Variants in GAB2 observed in about 807,000 individuals in gnomAD.
GAB2 encodes GRB2-associated-binding protein 2.
In GAB2, 26 loss-of-function variants were observed where a neutral mutation model predicts 65.5. That is an observed-to-expected ratio of 0.40 (90% confidence interval 0.29 to 0.55). GAB2 has a LOEUF of 0.55. GAB2 is among the 20% of genes least tolerant of loss of function. The pLI is 0.53. For missense variants in GAB2, 884 were observed against 875.8 expected, an observed-to-expected ratio of 1.01 and a Z score of -0.12; for synonymous variants, 321 against 329.6, an observed-to-expected ratio of 0.97 and a Z score of 0.28.
chr11:78,250,415 T>G lies in GAB2; in HGVS notation c.377-15A>C, dbSNP rs1565126179. 1.9e-6 allele frequency: 3 copies of G among 1,609,490 alleles called. No homozygotes were observed. Among genetic ancestry groups the G allele is most frequent in the African/African-American group, 2.7e-5 (2 of 74,686 alleles). ...TCTCAGGGAGTCTGAAAAGGAGAAA[T>G]AGCTCTGTGAATGAAAAAGGAAGGA... is the stretch of plus-strand genomic sequence containing the variant. On this transcript the variant is annotated splice_polypyrimidine_tract_variant and intron_variant, in intron 2 of 9. Transcript: ENST00000361507.
At chr11:78,396,495 A>G (rs1039576552) in intron 1 of GAB2, among the ~76,000 whole-genome samples, 2 of 152,268 alleles carry the variant, frequency 1.3e-5, no homozygotes, top group Non-Finnish European at 2.9e-5. Flanking sequence ...TTCAACAGCA[A>G]GAACCAGTAC....
intron 1 of GAB2, among the ~76,000 whole-genome samples, chr11:78,327,410 C>A (rs900768321): frequency 1.3e-5 from 2 of 152,134 alleles, no homozygotes; most frequent in African/African-American, 2.4e-5. Context: ...ATAACAATAT[C>A]TGCAATGAGC....
rs1864112217 is a variant in GAB2 at position 78,215,870 on chromosome 11, G to A, written c.*3402C>T. ...AGGAAGAACTCTGGAAATGGGATAG[G>A]GGTGCTGGGCCGAGATGTCCCCATG... On this transcript the variant is annotated 3_prime_UTR_variant, in exon 10 of 10. Transcript: ENST00000361507. The A allele has an allele frequency of 6.5e-6, 1 of 152,726 alleles. No homozygotes were observed. Among genetic ancestry groups the A allele is most frequent in the African/African-American group, 2.4e-5 (1 of 41,456 alleles). 9.5% of individuals were successfully genotyped at this position (152,726 alleles called of 1,614,324 possible). A position where few individuals can be genotyped will look rare whatever the true frequency, so the allele number is the denominator to read the frequency against.
chr11:78,223,709 G>A (rs924690556), intron 5 of GAB2, 33 bp from the exon 6 acceptor site: 1 of 1,535,496 alleles, frequency 6.5e-7, no homozygotes, highest in South Asian at 1.3e-5. Flanking sequence ...AAATACAGCT[G>A]TTACTAGCAA....
intron 3 of GAB2, 86 bp downstream of exon 3, chr11:78,250,071 G>T: frequency 1.5e-6 from 2 of 1,351,116 alleles, no homozygotes; most frequent in Non-Finnish European, 2.1e-6. Context: ...ATAATGTTTT[G>T]CTTGTCTTTA....
At chr11:78,399,443 G>A (rs1856942456) in intron 1 of GAB2, among the ~76,000 whole-genome samples, 1 of 152,172 alleles carries the variant, frequency 6.6e-6, no homozygotes, top group Admixed American at 6.5e-5. Context: ...ATTGGCCCCA[G>A]GATCTCACAT....
At position 78,225,163 on chromosome 11, in the gene GAB2, C is replaced by A. The variant is rs1426397624; in HGVS notation, c.1247G>T (p.Gly416Val). The change falls in exon 5 of 10, where the codon GGA becomes GTA. Residue 416 changes from glycine to valine, a missense_variant. Gly to Val is a moderately radical substitution (Grantham distance 109, BLOSUM62 -3). Coordinates refer to ENST00000361507, the MANE Select transcript of GAB2 (RefSeq NM_080491.3). ...CETYEYPQRG[G>V]ESAGRSAESM... ...TTCAGCAGACCGGCCTGCACTCTCTCCACCACGCTGTGGGTACTCGTAGGT... is the reference window on the plus strand; with the variant it reads ...TTCAGCAGACCGGCCTGCACTCTCTACACCACGCTGTGGGTACTCGTAGGT... 1 of 1,613,616 alleles carries A rather than the reference C, an allele frequency of 6.2e-7. No individual in the cohort carries two copies. Among genetic ancestry groups the A allele is most frequent in the Non-Finnish European group, 8.5e-7 (1 of 1,179,504 alleles).
At chr11:78,235,127 C>G (rs1023473337) in intron 3 of GAB2, among the ~76,000 whole-genome samples, 2 of 151,896 alleles carry the variant, frequency 1.3e-5, no homozygotes, top group African/African-American at 2.4e-5. Context: ...TTTCTACAGC[C>G]GGTTTGATTT....
At chr11:78,294,456 G>T (rs1252768912) in intron 1 of GAB2, among the ~76,000 whole-genome samples, 4 of 152,112 alleles carry the variant, frequency 2.6e-5, no homozygotes, top group African/African-American at 9.7e-5. Flanking sequence ...GGGTCAAATG[G>T]CATTTCTAGT....
At chr11:78,356,274 A>G (rs1409011803) in intron 1 of GAB2, among the ~76,000 whole-genome samples, 2 of 152,074 alleles carry the variant, frequency 1.3e-5, no homozygotes, top group Non-Finnish European at 2.9e-5. Flanking sequence ...TTATCTCTGT[A>G]CAAGTTTCAA....
intron 3 of GAB2, among the ~76,000 whole-genome samples, chr11:78,233,674 T>G (rs1049076676): frequency 6.6e-6 from 1 of 152,196 alleles, no homozygotes; most frequent in Non-Finnish European, 1.5e-5. Flanking sequence ...TGGTGCCATC[T>G]TGGCTCACTG....
intron 3 of GAB2, among the ~76,000 whole-genome samples, chr11:78,237,460 C>T (rs1337048969): frequency 3.9e-5 from 6 of 152,116 alleles, no homozygotes; most frequent in Non-Finnish European, 8.8e-5. Flanking sequence ...ATGATTCCAT[C>T]TATGTAAATT....
chr11:78,284,093 C>A (rs913052042), intron 1 of GAB2, among the ~76,000 whole-genome samples: 7 of 152,224 alleles, frequency 4.6e-5, no homozygotes, highest in Non-Finnish European at 7.3e-5. Flanking sequence ...TCTCTCCCAT[C>A]TCATTTACCA....
intron 3 of GAB2, among the ~76,000 whole-genome samples, chr11:78,244,900 A>G (rs1036434442): frequency 1.3e-5 from 2 of 152,216 alleles, no homozygotes; most frequent in Non-Finnish European, 2.9e-5. Context: ...AACTAACAAT[A>G]GAACTACCTT....
At chr11:78,399,217 A>G (rs1009752881) in intron 1 of GAB2, among the ~76,000 whole-genome samples, 2 of 152,202 alleles carry the variant, frequency 1.3e-5, no homozygotes, top group Admixed American at 1.3e-4. Context: ...AGCCTGCACC[A>G]AGCTGCTTAC....
chr11:78,327,735 T>A (rs973334399), intron 1 of GAB2, among the ~76,000 whole-genome samples: 8 of 152,256 alleles, frequency 5.3e-5, no homozygotes, highest in Non-Finnish European at 1.5e-5. Flanking sequence ...ATAATACATT[T>A]AAAAAAATCA....
intron 1 of GAB2, among the ~76,000 whole-genome samples, chr11:78,379,837 T>TG (rs1554996705): frequency 6.6e-6 from 1 of 152,120 alleles, no homozygotes; most frequent in Non-Finnish European, 1.5e-5. Context: ...TAAGATCTTC[T>TG]AGTAAGACCA....
intron 1 of GAB2, chr11:78,324,807 T>G (rs192728727): frequency 2.0e-5 from 3 of 152,332 alleles, no homozygotes; most frequent in East Asian, 1.9e-4. Flanking sequence ...GAATTATGCC[T>G]CTGGATAAAA....
At chr11:78,276,495 G>A (rs1447806196) in intron 2 of GAB2, among the ~76,000 whole-genome samples, 2 of 152,074 alleles carry the variant, frequency 1.3e-5, no homozygotes, top group African/African-American at 4.8e-5. Flanking sequence ...TGTATGTGTC[G>A]CTAATCTTGG....
Sources: gnomAD v4.1 joint callset for allele counts (sites outside exome capture counted in the v4.1 genomes callset) on GRCh38, gnomAD v4.1.1 for gene constraint, MANE v1.5 for transcripts, NCBI Gene and HGNC (gene_info 2026-07-23, HGNC 2026-07-21) for gene names.